PLEKHG6: variants seen among roughly 807,000 people sequenced by gnomAD.
PLEKHG6 encodes pleckstrin homology and RhoGEF domain containing G6, also known as pleckstrin homology domain-containing family G member 6.
A neutral mutation model predicts 97.5 loss-of-function variants in PLEKHG6; 91 were observed. The ratio of observed to expected loss-of-function variants is 0.93; its 90% CI spans 0.79 to 1.11. PLEKHG6 has a LOEUF of 1.11. PLEKHG6 is among the 50% of genes most tolerant of loss of function. The pLI is 0.00. For synonymous variants in PLEKHG6, 466 were observed against 425.5 expected (o/e 1.10, Z -1.17); for missense variants, 1,044 against 1,031.0 (o/e 1.01, Z -0.17).
chr12:6,318,015 G>A lies in PLEKHG6; in HGVS notation c.1155+21G>A, dbSNP rs71584815. On this transcript the variant is annotated intron_variant, in intron 10 of 15. Coordinates refer to ENST00000684764, the MANE Select transcript of PLEKHG6 (RefSeq NM_001384598.1). ...AGAAGGTGAGAGGGCAAAGGGAAGG[G>A]ACCCAGGAAAAGCAAGGTCCCAGGG... The A allele has an allele frequency of 6.0e-3, 9,438 of 1,573,204 alleles. 41 individuals carry two copies. Among genetic ancestry groups the A allele is most frequent in the Non-Finnish European group, 7.4e-3 (8,515 of 1,158,008 alleles).
Position 6,316,158 on chromosome 12 carries a change from C to G in PLEKHG6, c.607-97C>G. On this transcript the variant is annotated intron_variant, in intron 6 of 15. Coordinates refer to ENST00000684764, the MANE Select transcript of PLEKHG6 (RefSeq NM_001384598.1). This position sits in a 1 kb window ranked among gnomAD's most constrained non-coding sequence, Gnocchi z 4.1. ...CAGTTCATCCTTCTTCACCCCCGCC[C>G]CTGCTGTCCAAGCTTAAGGTCCTCA... is the stretch of plus-strand genomic sequence containing the variant. The G allele has an allele frequency of 8.1e-7, 1 of 1,237,516 alleles. No homozygotes were observed. Among genetic ancestry groups the G allele is most frequent in the East Asian group, 2.6e-5 (1 of 38,890 alleles). The allele number at this position is 1,237,516 out of a possible 1,614,324, so 76.7% of individuals were successfully genotyped here. A position where few individuals can be genotyped will look rare whatever the true frequency, so the allele number is the denominator to read the frequency against.
rs1295411093 is a variant in PLEKHG6 at position 6,317,366 on chromosome 12, G to A, written c.820G>A (p.Ala274Thr). The A allele has an allele frequency of 9.3e-6, 15 of 1,613,984 alleles. No homozygotes were observed. The highest frequency in any genetic ancestry group is 1.2e-5 in the Non-Finnish European group (14 of 1,180,010). Residue 274 changes from alanine to threonine, a missense_variant, in exon 8 of 16, where the codon GCC (alanine) becomes ACC (threonine). By Grantham distance (58) the Ala-to-Thr change is moderately conservative. Coordinates refer to ENST00000684764, the MANE Select transcript of PLEKHG6 (RefSeq NM_001384598.1). ...CCGAGTGAAGCAGACCATGGCTTAC[G>A]CCCGAGAACAGCAAGAAACTAACCC... ...CLRVKQTMAY[A>T]REQQETNPLF...
chr12:6,320,708 G>C (rs2136765039), intron 13 of PLEKHG6, among the ~76,000 whole-genome samples: 1 of 152,278 alleles, frequency 6.6e-6, no homozygotes, highest in Admixed American at 6.5e-5. Flanking sequence ...AGGTTCCAGA[G>C]GGTAGGACTT....
intron 2 of PLEKHG6, 137 bp downstream of exon 2, chr12:6,312,501 C>T (rs1016289094): frequency 1.1e-5 from 13 of 1,150,554 alleles, no homozygotes; most frequent in Admixed American, 3.6e-5. Flanking sequence ...TCCTGGGTTG[C>T]GGGAAAGAGG....
At position 6,327,886 on chromosome 12, in the gene PLEKHG6, C is replaced by T. The variant is rs1325375189; in HGVS notation, c.2303C>T (p.Ala768Val). 4 of 1,492,610 alleles carry T rather than the reference C, an allele frequency of 2.7e-6. No individual in the cohort carries two copies. Among genetic ancestry groups the T allele is most frequent in the Non-Finnish European group, 3.6e-6 (4 of 1,122,210 alleles). 92.5% of individuals were successfully genotyped at this position (1,492,610 alleles called of 1,614,324 possible). A position where few individuals can be genotyped will look rare whatever the true frequency, so the allele number is the denominator to read the frequency against. ...RDSRPRKLTR[A>V]QLQRMRGPHI... ...AGCAGGCCACGGAAGCTGACTCGGGCCCAGCTGCAGAGGATGCGGGGGCCC... is the reference window on the plus strand; with the variant it reads ...AGCAGGCCACGGAAGCTGACTCGGGTCCAGCTGCAGAGGATGCGGGGGCCC... The change falls in exon 15 of 16, where the codon GCC (alanine) becomes GTC (valine). Residue 768 changes from alanine to valine, a missense_variant. Physicochemically the swap from Ala to Val is moderately conservative, Grantham distance 64. Coordinates refer to ENST00000684764, the MANE Select transcript of PLEKHG6 (RefSeq NM_001384598.1).
At chr12:6,312,900 G>A in intron 2 of PLEKHG6, 2 of 1,372,026 alleles carry the variant, frequency 1.5e-6, no homozygotes, top group Non-Finnish European at 1.9e-6. Context: ...CCCTCAGCCT[G>A]CAGGTTTCCC....
intron 2 of PLEKHG6, among the ~76,000 whole-genome samples, chr12:6,313,413 T>A (rs2286717): frequency 0.62 from 93,634 of 152,088 alleles, 29,620 homozygotes; most frequent in African/African-American, 0.73. Context: ...CCAGGCTGTC[T>A]TGCCTCTGCC....
At position 6,326,441 on chromosome 12, in the gene PLEKHG6, A is replaced by G. The variant is rs771316275; in HGVS notation, c.1538A>G (p.Lys513Arg). Residue 513 changes from lysine (K) to arginine (R), a missense_variant, in exon 14 of 16, where the codon AAG becomes AGG. Physicochemically the swap from Lys to Arg is conservative, Grantham distance 26. Coordinates refer to ENST00000684764, the MANE Select transcript of PLEKHG6 (RefSeq NM_001384598.1). ...GTCCTGTCCCAGGCCGCCCTACAGA[A>G]GCTGAAGGCAGAGGAGTATGTTCAA... ...KTQQAQAALQKLKAEEYVQQK... is the reference protein window; with the variant it reads ...KTQQAQAALQRLKAEEYVQQK... 7 of 1,613,664 alleles carry G rather than the reference A, an allele frequency of 4.3e-6. No homozygotes were observed. The South Asian group carries it at 5.5e-5, about 13-fold the overall frequency.
intron 13 of PLEKHG6, among the ~76,000 whole-genome samples, chr12:6,326,167 C>T (rs1193268744): frequency 1.3e-5 from 2 of 151,880 alleles, no homozygotes; most frequent in Admixed American, 6.6e-5. Flanking sequence ...TAGCCGGGCA[C>T]GTTGGCGGGC....
chr12:6,316,405 G>T lies in PLEKHG6; in HGVS notation c.756+1G>T. On this transcript the variant is annotated splice_donor_variant, in intron 7 of 15. Coordinates refer to ENST00000684764, the MANE Select transcript of PLEKHG6 (RefSeq NM_001384598.1). LOFTEE classifies it high-confidence loss of function. This position sits in a 1 kb window ranked among gnomAD's most constrained non-coding sequence, Gnocchi z 4.1. ...TGGTCTGCAAAGTGGCTTCCTGACG[G>T]TGAGGCCTGTGAAGGGCTGTGTCTG... 6.4e-7 allele frequency: 1 copy of T among 1,567,828 alleles called. No homozygotes were observed. Among genetic ancestry groups the T allele is most frequent in the Admixed American group, 1.9e-5 (1 of 53,336 alleles).
chr12:6,316,355 C>T lies in PLEKHG6; in HGVS notation c.707C>T (p.Ala236Val), dbSNP rs752479731. 6.4e-7 allele frequency: 1 copy of T among 1,566,296 alleles called. No individual in the cohort carries two copies. The highest frequency in any genetic ancestry group is 1.2e-5 in the South Asian group (1 of 85,066). The change falls in exon 7 of 16, where the codon GCC becomes GTC. Residue 236 changes from alanine (A) to valine (V), a missense_variant. By Grantham distance (64) the Ala-to-Val change is moderately conservative (BLOSUM62 0). Transcript: ENST00000684764. This position sits in a 1 kb window ranked among gnomAD's most constrained non-coding sequence, Gnocchi z 4.1. ...GGGCCCACCCTGGAGGAGACTCGGG[C>T]CTCGGGCCAGCCTCTGGACCCCATT... Reference protein sequence around the residue: ...VLGPTLEETRASGQPLDPIGL... With the variant: ...VLGPTLEETRVSGQPLDPIGL...
In PLEKHG6 at chr12:6,316,704, G is replaced by A. The variant is rs1947472899; in HGVS notation, c.756+300G>A. ...GGTGCAGCAAATGAGGCCTAAGTGA[G>A]GGGACCCTTAGGAGGACCTGGGTGG... On this transcript the variant is annotated intron_variant, in intron 7 of 15. Coordinates refer to ENST00000684764, the MANE Select transcript of PLEKHG6 (RefSeq NM_001384598.1). This position sits in a 1 kb window ranked among gnomAD's most constrained non-coding sequence, Gnocchi z 4.1. Among the ~76,000 whole-genome samples the A allele has an allele frequency of 8.0e-6, 1 of 125,680 alleles. No homozygotes were observed. The highest frequency in any genetic ancestry group is 7.8e-5 in the Admixed American group (1 of 12,902). 82.5% of individuals were successfully genotyped at this position (125,680 alleles called of 152,430 possible).
Position 6,312,169 on chromosome 12 carries a change from C to G in PLEKHG6, c.-58C>G. On this transcript the variant is annotated 5_prime_UTR_variant, in exon 2 of 16. Coordinates refer to ENST00000684764, the MANE Select transcript of PLEKHG6 (RefSeq NM_001384598.1). Reference sequence around the variant, plus strand: ...TTTTCTCTCTTGCAGCCCTAGGGGACCTCTTTCTCCTGGACATTGAAGATA... The same window carrying G: ...TTTTCTCTCTTGCAGCCCTAGGGGAGCTCTTTCTCCTGGACATTGAAGATA... 2.1e-6 allele frequency: 3 copies of G among 1,396,720 alleles called. No individual in the cohort carries two copies. The highest frequency in any genetic ancestry group is 2.8e-6 in the Non-Finnish European group (3 of 1,062,330). 86.5% of individuals were successfully genotyped at this position (1,396,720 alleles called of 1,614,324 possible). A position where few individuals can be genotyped will look rare whatever the true frequency, so the allele number is the denominator to read the frequency against.
rs773201388 is a variant in PLEKHG6, at chr12:6,326,574, G to T, written c.1670+1G>T. 6.6e-7 allele frequency: 1 copy of T among 1,508,222 alleles called. No homozygotes were observed. Among genetic ancestry groups the T allele is most frequent in the East Asian group, 2.5e-5 (1 of 39,894 alleles). The allele number at this position is 1,508,222 out of a possible 1,614,324, so 93.4% of individuals were successfully genotyped here. Reference sequence around the variant, plus strand: ...GCTCTCAGAGCAGCGCAGAGGGGAGGTAAGGCTCACACGGACTACAAGGTC... The same window carrying T: ...GCTCTCAGAGCAGCGCAGAGGGGAGTTAAGGCTCACACGGACTACAAGGTC... On this transcript the variant is annotated splice_donor_variant, in intron 14 of 15. Coordinates refer to ENST00000684764, the MANE Select transcript of PLEKHG6 (RefSeq NM_001384598.1). LOFTEE classifies it high-confidence loss of function.
At chr12:6,317,785 G>A in intron 9 of PLEKHG6, 72 bp from the exon 10 acceptor site, 2 of 1,555,156 alleles carry the variant, frequency 1.3e-6, no homozygotes, top group Non-Finnish European at 1.7e-6. Flanking sequence ...GTGTGGCGCT[G>A]TGCTGTGGCT....
In PLEKHG6 at chr12:6,315,829, G is replaced by T; in HGVS notation, c.556-40G>T. 1.3e-6 allele frequency: 2 copies of T among 1,531,086 alleles called. No individual in the cohort carries two copies. 94.8% of individuals were successfully genotyped at this position (1,531,086 alleles called of 1,614,324 possible). ...GGGTGGGAGGTGACGACACTGAAGG[G>T]CTGCGCTGGGTCCTGAGACCCTCGT... On this transcript the variant is annotated intron_variant, in intron 5 of 15. Coordinates refer to ENST00000684764, the MANE Select transcript of PLEKHG6 (RefSeq NM_001384598.1). This position sits in a 1 kb window ranked among gnomAD's most constrained non-coding sequence, Gnocchi z 4.5.
chr12:6,313,529 G>T (rs921988003), intron 2 of PLEKHG6, 100 bp from the exon 3 acceptor site: 235 of 1,391,244 alleles, frequency 1.7e-4, no homozygotes, highest in Non-Finnish European at 2.1e-4. Context: ...TTACCAGGGT[G>T]GGGGAACAAC....
chr12:6,328,197 A>C lies in PLEKHG6; in HGVS notation c.*52A>C. 1 of 1,580,078 alleles carries C rather than the reference A, an allele frequency of 6.3e-7. No individual in the cohort carries two copies. The highest frequency in any genetic ancestry group is 8.7e-7 in the Non-Finnish European group (1 of 1,149,218). On this transcript the variant is annotated 3_prime_UTR_variant, in exon 16 of 16. Transcript: ENST00000684764. ...TCTCTCCCAGAGGAGATCTCTCCCCAGTAGTGCTGGTCACCCTCCGGCATC... is the reference window on the plus strand; with the variant it reads ...TCTCTCCCAGAGGAGATCTCTCCCCCGTAGTGCTGGTCACCCTCCGGCATC...
At chr12:6,311,643 C>T (rs1186313621) in intron 1 of PLEKHG6, among the ~76,000 whole-genome samples, 1 of 152,156 alleles carries the variant, frequency 6.6e-6, no homozygotes, top group Non-Finnish European at 1.5e-5. Context: ...GGGGGGGCAG[C>T]AGTTGTTTCA....
Sources: gnomAD v4.1 joint callset for allele counts (sites outside exome capture counted in the v4.1 genomes callset) on GRCh38, gnomAD v4.1.1 for gene constraint, Gnocchi (gnomAD v3.1) non-coding constraint, MANE v1.5 for transcripts, NCBI Gene and HGNC (gene_info 2026-07-23, HGNC 2026-07-21) for gene names.